BMPR2: variants seen among roughly 807,000 people sequenced by gnomAD.
BMPR2 encodes the protein bone morphogenetic protein receptor type-2.
A neutral mutation model predicts 100.8 loss-of-function variants in BMPR2; 29 were observed. The observed-to-expected ratio is 0.29, with a 90% CI of 0.21 to 0.39. The LOEUF (loss-of-function observed/expected upper bound fraction) is 0.39, where lower values mean the gene tolerates loss of function less well. BMPR2 is among the 10% of genes least tolerant of loss of function. The pLI, the probability that BMPR2 is intolerant of heterozygous loss-of-function variation, is 1.00. For synonymous variants in BMPR2, 382 were observed against 442.3 expected (o/e 0.86, Z 1.71); for missense variants, 1,011 against 1,274.5 (o/e 0.79, Z 3.15).
chr2:202,505,134 T>C, intron 3 of BMPR2: 1 of 157,500 alleles, frequency 6.3e-6, no homozygotes, highest in Non-Finnish European at 1.4e-5. Context: ...GAGATAGCTA[T>C]TTTCAAAACA....
chr2:202,383,307 G>A (rs1427857841), intron 1 of BMPR2, among the ~76,000 whole-genome samples: 1 of 152,156 alleles, frequency 6.6e-6, no homozygotes, highest in Non-Finnish European at 1.5e-5. Flanking sequence ...AGCACTTTGG[G>A]AAGCCAAGGC....
At chr2:202,498,271 G>C (rs949699975) in intron 3 of BMPR2, among the ~76,000 whole-genome samples, 1 of 152,212 alleles carries the variant, frequency 6.6e-6, no homozygotes, top group African/African-American at 2.4e-5. Context: ...CAAGGGTGCA[G>C]GTTTTCAAGA....
chr2:202,393,916 A>AGAGAGAGG (rs1690607316), intron 1 of BMPR2, among the ~76,000 whole-genome samples: 1 of 138,564 alleles, frequency 7.2e-6, no homozygotes, highest in Non-Finnish European at 1.6e-5. Flanking sequence ...AGAGAGAGAG[A>AGAGAGAGG]GAGAGAGAGA....
intron 3 of BMPR2, 133 bp downstream of exon 3, chr2:202,467,822 G>T (rs1692357994): frequency 2.2e-6 from 2 of 914,168 alleles, no homozygotes; most frequent in Non-Finnish European, 3.4e-6. Flanking sequence ...ACTTTGGGAG[G>T]CCGAGGTGGA....
At chr2:202,489,419 A>G (rs535843632) in intron 3 of BMPR2, among the ~76,000 whole-genome samples, 74 of 152,342 alleles carry the variant, frequency 4.9e-4, no homozygotes, top group African/African-American at 1.5e-3. Context: ...GACAATTATA[A>G]AAGTAAAGAC....
In BMPR2 at chr2:202,562,837, A is replaced by C. The variant is rs1199372328; in HGVS notation, c.*2891A>C. ...AAAACTTTCTAAATGCATAATTGGC[A>C]AAAAAAAAAACCCACTGTTACCAGT... On this transcript the variant is annotated 3_prime_UTR_variant, in exon 13 of 13. Transcript: ENST00000374580. The C allele has an allele frequency of 9.3e-6, 1 of 107,858 alleles. No individual in the cohort carries two copies. The allele number at this position is 107,858 out of a possible 1,614,324, so 6.7% of individuals were successfully genotyped here.
rs1688730856 is a variant in BMPR2 at position 202,564,810 on chromosome 2, G to C, written c.*4864G>C. ...CGCCTGTAATCCCAGCACTTTGGGA[G>C]GCCGAGACGGTGGATCACGAGGTCA... On this transcript the variant is annotated 3_prime_UTR_variant, in exon 13 of 13. Coordinates refer to ENST00000374580, the MANE Select transcript of BMPR2 (RefSeq NM_001204.7). The C allele has an allele frequency of 6.6e-6, 1 of 152,260 alleles. No homozygotes were observed. The highest frequency in any genetic ancestry group is 6.5e-5 in the Admixed American group (1 of 15,276). 9.4% of individuals were successfully genotyped at this position (152,260 alleles called of 1,614,324 possible).
chr2:202,551,350 A>T lies in BMPR2; in HGVS notation c.1414-1366A>T, dbSNP rs540802114. ...GCTAACATAGTGAAACCCCGTCTCT[A>T]CTAAAGATACAAAAAAAAAAAAAAA... On this transcript the variant is annotated intron_variant, in intron 10 of 12. Coordinates refer to ENST00000374580, the MANE Select transcript of BMPR2 (RefSeq NM_001204.7). Among the ~76,000 whole-genome samples the T allele has an allele frequency of 3.8e-3, 556 of 148,208 alleles. 2 individuals carry two copies. The highest frequency in any genetic ancestry group is 0.013 in the African/African-American group (527 of 40,426).
At chr2:202,392,109 C>G (rs879305916) in intron 1 of BMPR2, among the ~76,000 whole-genome samples, 1 of 145,296 alleles carries the variant, frequency 6.9e-6, no homozygotes, top group Non-Finnish European at 1.5e-5. Context: ...TCGCTCTCGT[C>G]CCCCAGGCTT....
At chr2:202,528,467 G>A (rs574614816) in intron 7 of BMPR2, among the ~76,000 whole-genome samples, 7 of 152,304 alleles carry the variant, frequency 4.6e-5, no homozygotes, top group South Asian at 2.1e-4. Flanking sequence ...GATTACAGGC[G>A]TGAGCCAGCA....
intron 3 of BMPR2, among the ~76,000 whole-genome samples, chr2:202,468,770 A>G (rs35223496): frequency 0.1 from 15,241 of 152,250 alleles, 1,022 homozygotes; most frequent in Non-Finnish European, 0.13. Context: ...ATCTCTATGA[A>G]CTAGCACAGA....
chr2:202,383,990 G>A (rs1303253402), intron 1 of BMPR2, among the ~76,000 whole-genome samples: 1 of 152,036 alleles, frequency 6.6e-6, no homozygotes, highest in Admixed American at 6.6e-5. Flanking sequence ...TGGCCAACAT[G>A]GTGAAACCCC....
intron 1 of BMPR2, among the ~76,000 whole-genome samples, chr2:202,420,705 C>G (rs969906856): frequency 1.3e-5 from 2 of 151,588 alleles, no homozygotes; most frequent in African/African-American, 2.4e-5. Flanking sequence ...TGCCACCATG[C>G]CTGGCTAATT....
chr2:202,434,064 A>T (rs551281381), intron 1 of BMPR2, among the ~76,000 whole-genome samples: 12 of 150,726 alleles, frequency 8.0e-5, no homozygotes, highest in African/African-American at 2.7e-4. Context: ...CATCACAGAC[A>T]TCTCAAGTGA....
chr2:202,384,205 G>C (rs1690367571), intron 1 of BMPR2, among the ~76,000 whole-genome samples: 1 of 152,096 alleles, frequency 6.6e-6, no homozygotes, highest in South Asian at 2.1e-4. Flanking sequence ...ACACTGATAT[G>C]AAAGATTATA....
At chr2:202,397,355 CAATT>C (rs1480001410) in intron 1 of BMPR2, among the ~76,000 whole-genome samples, 7 of 152,238 alleles carry the variant, frequency 4.6e-5, no homozygotes, top group African/African-American at 1.2e-4. Flanking sequence ...AGTTAACTAT[CAATT>C]AATATCTCCT....
chr2:202,435,074 G>T (rs1294200133), intron 1 of BMPR2, among the ~76,000 whole-genome samples: 1 of 146,066 alleles, frequency 6.8e-6, no homozygotes, highest in Non-Finnish European at 1.5e-5. Flanking sequence ...AAATAAGCTG[G>T]ATAGGCTGGG....
chr2:202,378,151 CATCT>C (rs1466047870), intron 1 of BMPR2, among the ~76,000 whole-genome samples: 1 of 152,180 alleles, frequency 6.6e-6, no homozygotes, highest in Non-Finnish European at 1.5e-5. Flanking sequence ...AGTCATCTGG[CATCT>C]ATCTATTGGC....
At chr2:202,397,443 A>G (rs1026846534) in intron 1 of BMPR2, among the ~76,000 whole-genome samples, 2 of 152,066 alleles carry the variant, frequency 1.3e-5, no homozygotes, top group African/African-American at 4.8e-5. Flanking sequence ...TCTGGTTTCA[A>G]TATTTTGTGA....
Sources: gnomAD v4.1 joint callset for allele counts (sites outside exome capture counted in the v4.1 genomes callset) on GRCh38, gnomAD v4.1.1 for gene constraint, MANE v1.5 for transcripts, NCBI Gene and HGNC (gene_info 2026-07-23, HGNC 2026-07-21) for gene names.